ADGRE5: variants seen among roughly 807,000 people sequenced by gnomAD.
ADGRE5 encodes the protein CD97 molecule.
Under a neutral mutation model 100.3 loss-of-function variants are expected in ADGRE5, and 72 were observed. That is an observed-to-expected ratio of 0.72 (90% confidence interval 0.59 to 0.87). The LOEUF (loss-of-function observed/expected upper bound fraction) is 0.87, where lower values mean the gene tolerates loss of function less well. Ranked by LOEUF, ADGRE5 falls within the 40% of genes least tolerant of loss-of-function variation. The probability of loss-of-function intolerance (pLI) is 0.00; values close to 1 mark genes in which losing one functional copy is unlikely to be tolerated. For synonymous variants in ADGRE5, 439 were observed against 447.8 expected (o/e 0.98, Z 0.25); for missense variants, 959 against 1,094.7 (o/e 0.88, Z 1.75).
At position 14,386,971 on chromosome 19, in the gene ADGRE5, T is replaced by C. The variant is rs374957908; in HGVS notation, c.23-1479T>C. Among the ~76,000 whole-genome samples the C allele has an allele frequency of 1.7e-4, 26 of 148,710 alleles. No homozygotes were observed. In the East Asian group the frequency reaches 3.0e-3, roughly 17 times the overall value. On this transcript the variant is annotated intron_variant, in intron 1 of 19. Transcript: ENST00000242786. ...TGGAGGTTGCAGTGAGCCAGGATCG[T>C]GCCATCGCACTCCAGCCTGGGCGAC...
At position 14,401,682 on chromosome 19, in the gene ADGRE5, G is replaced by T. The variant is rs775345308; in HGVS notation, c.1105G>T (p.Asp369Tyr). ...ELTLMIQERG[D>Y]KNVTMGQSSA... ...GACCCTGATGATCCAGGAGCGGGGG[G>T]ACAAGAACGTCACTATGGGTCAGAG... The change falls in exon 11 of 20, where the codon GAC becomes TAC. Residue 369 changes from aspartate to tyrosine, a missense_variant. By Grantham distance (160) the Asp-to-Tyr change is radical (BLOSUM62 -3). Around this residue, in one of 6 missense-constraint regions of ADGRE5, gnomAD observed 246 missense variants for 242.2 expected, o/e 1.02. Transcript: ENST00000242786. This position sits in a 1 kb window ranked among gnomAD's most constrained non-coding sequence, Gnocchi z 4.1. 1 of 1,592,874 alleles carries T rather than the reference G, an allele frequency of 6.3e-7. No individual in the cohort carries two copies. Among genetic ancestry groups the T allele is most frequent in the South Asian group, 1.1e-5 (1 of 87,878 alleles).
At chr19:14,383,869 A>G (rs1975244294) in intron 1 of ADGRE5, among the ~76,000 whole-genome samples, 1 of 151,968 alleles carries the variant, frequency 6.6e-6, no homozygotes, top group African/African-American at 2.4e-5. Flanking sequence ...GAGGACCTCA[A>G]TCCCTCAATT....
chr19:14,390,415 C>G (rs757243375), intron 3 of ADGRE5, among the ~76,000 whole-genome samples: 16 of 151,628 alleles, frequency 1.1e-4, no homozygotes, highest in Non-Finnish European at 2.2e-4. Context: ...CCTCCACCTC[C>G]TAGGTTCAAG....
rs576558354 is a variant in ADGRE5, at chr19:14,401,021, A to G, written c.898-365A>G. ...CTTCTGTAGTCCCAGCTACTCAGAA[A>G]GCTGAGGTGGGAGGATCGCTTGAGT... is the stretch of plus-strand genomic sequence containing the variant. On this transcript the variant is annotated intron_variant, in intron 9 of 19. Coordinates refer to ENST00000242786, the MANE Select transcript of ADGRE5 (RefSeq NM_078481.4). The surrounding 1 kb of genome is among the most constrained non-coding windows in gnomAD (Gnocchi z 4.1). Among the ~76,000 whole-genome samples the G allele has an allele frequency of 6.6e-6, 1 of 152,068 alleles. No individual in the cohort carries two copies. The highest frequency in any genetic ancestry group is 6.5e-5 in the Admixed American group (1 of 15,268).
chr19:14,406,978 A>C lies in ADGRE5; in HGVS notation c.2207+18A>C. 1 of 1,613,954 alleles carries C rather than the reference A, an allele frequency of 6.2e-7. No homozygotes were observed. Among genetic ancestry groups the C allele is most frequent in the Non-Finnish European group, 8.5e-7 (1 of 1,179,826 alleles). On this transcript the variant is annotated intron_variant, in intron 17 of 19. Coordinates refer to ENST00000242786, the MANE Select transcript of ADGRE5 (RefSeq NM_078481.4). The surrounding 1 kb of genome is among the most constrained non-coding windows in gnomAD (Gnocchi z 6.0). ...AAGGCGAGGTGAGAGGAGAGGCTGG[A>C]AGGACTTGGAGGCGGGGCCGGGGTG...
In ADGRE5 at chr19:14,393,796, T is replaced by G. The variant is rs145384329; in HGVS notation, c.347-2546T>G. Among the ~76,000 whole-genome samples the G allele has an allele frequency of 1.7e-3, 258 of 152,240 alleles. 1 individual carries two copies. Among genetic ancestry groups the G allele is most frequent in the African/African-American group, 6.1e-3 (253 of 41,546 alleles). On this transcript the variant is annotated intron_variant, in intron 4 of 19. Transcript: ENST00000242786. ...AGGCTTCTGTCCGCCACACTGCTAG[T>G]CCCCAGGGCCCCCTTGCAAGTGGAC...
intron 4 of ADGRE5, chr19:14,391,377 G>A (rs1210285756): frequency 2.5e-6 from 1 of 393,530 alleles, no homozygotes; most frequent in African/African-American, 2.0e-5. Flanking sequence ...ACGTTATCAT[G>A]CTTGTAATTC....
At chr19:14,396,990 T>C (rs973659499) in intron 5 of ADGRE5, 87 bp from the exon 6 acceptor site, 22 of 1,426,544 alleles carry the variant, frequency 1.5e-5, no homozygotes, top group Non-Finnish European at 2.0e-5. Flanking sequence ...TCTGAGGCAA[T>C]GAAAAGATAG....
chr19:14,404,417 G>T lies in ADGRE5; in HGVS notation c.1484G>T (p.Cys495Phe), dbSNP rs1270457085. 1.2e-6 allele frequency: 2 copies of T among 1,611,788 alleles called. No homozygotes were observed. Among genetic ancestry groups the T allele is most frequent in the East Asian group, 4.5e-5 (2 of 44,838 alleles). The change falls in exon 13 of 20, where the codon TGT (cysteine) becomes TTT (phenylalanine). Residue 495 changes from cysteine (C) to phenylalanine (F), a missense_variant. Transcript: ENST00000242786. Reference protein sequence around the residue: ...VMPGPRQELLCAFWKSDSDRG... With the variant: ...VMPGPRQELLFAFWKSDSDRG... ...CCTGGGCCACGGCAGGAGCTGCTCT[G>T]TGCCTTCTGGAAGAGTGACAGCGAC... is the stretch of plus-strand genomic sequence containing the variant.
chr19:14,407,317 TG>T (rs1286400177), intron 18 of ADGRE5, 88 bp downstream of exon 18: 1 of 1,459,582 alleles, frequency 6.9e-7, no homozygotes, highest in East Asian at 2.3e-5. Flanking sequence ...GCCCAGAAGT[TG>T]GAGACCAGCC....
At chr19:14,398,929 T>C (rs1299424824) in intron 9 of ADGRE5, among the ~76,000 whole-genome samples, 1 of 151,146 alleles carries the variant, frequency 6.6e-6, no homozygotes, top group Non-Finnish European at 1.5e-5. Context: ...GCAGCCTCAA[T>C]CTCCCAGGCT....
rs762137790 is a variant in ADGRE5 at position 14,407,204 on chromosome 19, T to A, written c.2351T>A (p.Leu784Gln). The A allele has an allele frequency of 2.5e-6, 4 of 1,613,902 alleles. No individual in the cohort carries two copies. The highest frequency in any genetic ancestry group is 1.3e-5 in the African/African-American group (1 of 74,938). ...LNCLQGAFLY[L>Q]LHCLLNKKVR... ...TGCCTGCAGGGCGCCTTCCTCTACC[T>A]GCTGCACTGCCTGCTCAACAAGAAG... is the stretch of plus-strand genomic sequence containing the variant. Residue 784 changes from leucine (L) to glutamine (Q), a missense_variant, in exon 18 of 20, where the codon CTG becomes CAG. Leu to Gln is a moderately radical substitution (Grantham distance 113). Coordinates refer to ENST00000242786, the MANE Select transcript of ADGRE5 (RefSeq NM_078481.4).
chr19:14,404,209 G>A (rs1976126715), intron 12 of ADGRE5, among the ~76,000 whole-genome samples, 174 bp from the exon 13 acceptor site: 1 of 152,162 alleles, frequency 6.6e-6, no homozygotes, highest in South Asian at 2.1e-4. Context: ...AACCTCACAA[G>A]GGTAGGTACT....
rs1018353743 is a variant in ADGRE5 at position 14,406,253 on chromosome 19, C to G, written c.1822-78C>G. On this transcript the variant is annotated intron_variant, in intron 14 of 19. Transcript: ENST00000242786. The surrounding 1 kb of genome is among the most constrained non-coding windows in gnomAD (Gnocchi z 6.0). ...CTGTGGTCCCGCCCACTCTCGGGAC[C>G]TGGCAGGCGACTGGCTCTGGCGCCG... 9 of 1,181,638 alleles carry G rather than the reference C, an allele frequency of 7.6e-6. No homozygotes were observed. The highest frequency in any genetic ancestry group is 1.1e-5 in the Non-Finnish European group (9 of 850,334). The allele number at this position is 1,181,638 out of a possible 1,614,324, so 73.2% of individuals were successfully genotyped here.
At position 14,401,701 on chromosome 19, in the gene ADGRE5, G is replaced by A. The variant is rs1169325681; in HGVS notation, c.1124G>A (p.Gly375Asp). ...QERGDKNVTM[G>D]QSSARMKLNW... is the part of the protein sequence containing the mutation. ...CGGGGGGACAAGAACGTCACTATGG[G>A]TCAGAGCAGCGCACGCATGAAGCTG... Residue 375 changes from glycine to aspartate, a missense_variant, in exon 11 of 20, where the codon GGT becomes GAT. Coordinates refer to ENST00000242786, the MANE Select transcript of ADGRE5 (RefSeq NM_078481.4). This position sits in a 1 kb window ranked among gnomAD's most constrained non-coding sequence, Gnocchi z 4.1. The A allele has an allele frequency of 6.3e-7, 1 of 1,590,634 alleles. No homozygotes were observed. The highest frequency in any genetic ancestry group is 8.6e-7 in the Non-Finnish European group (1 of 1,168,668).
Position 14,408,010 on chromosome 19 carries a change from G to T in ADGRE5, c.2478+1G>T. On this transcript the variant is annotated splice_donor_variant, in intron 19 of 19. Coordinates refer to ENST00000242786, the MANE Select transcript of ADGRE5 (RefSeq NM_078481.4). LOFTEE classifies it high-confidence loss of function. ...TGGCACTGGCCACAATCAGACCCGG[G>T]TAAGGGGCTGCGCCTGGGGCGGGTG... 1 of 1,614,152 alleles carries T rather than the reference G, an allele frequency of 6.2e-7. No homozygotes were observed. The highest frequency in any genetic ancestry group is 8.5e-7 in the Non-Finnish European group (1 of 1,179,994).
intron 18 of ADGRE5, 105 bp from the exon 19 acceptor site, chr19:14,407,801 GAC>G (rs1976334353): frequency 1.1e-6 from 1 of 945,774 alleles, no homozygotes; most frequent in African/African-American, 1.7e-5. Context: ...TCAAAAAAAA[GAC>G]AAACACAAAA....
Position 14,401,700 on chromosome 19 carries a change from G to A in ADGRE5, c.1123G>A (p.Gly375Ser), listed in dbSNP as rs1423952625. ...QERGDKNVTMGQSSARMKLNW... is the reference protein window; with the variant it reads ...QERGDKNVTMSQSSARMKLNW... ...GCGGGGGGACAAGAACGTCACTATG[G>A]GTCAGAGCAGCGCACGCATGAAGCT... Residue 375 changes from glycine to serine, a missense_variant, in exon 11 of 20, where the codon GGT becomes AGT. By Grantham distance (56) the Gly-to-Ser change is moderately conservative. This residue lies in a region of ADGRE5 where 246 missense variants were observed against 242.2 expected (regional missense o/e 1.02). Transcript: ENST00000242786. The surrounding 1 kb of genome is among the most constrained non-coding windows in gnomAD (Gnocchi z 4.1). 4 of 1,590,246 alleles carry A rather than the reference G, an allele frequency of 2.5e-6. No individual in the cohort carries two copies. The highest frequency in any genetic ancestry group is 3.4e-6 in the Non-Finnish European group (4 of 1,168,480).
intron 4 of ADGRE5, among the ~76,000 whole-genome samples, chr19:14,392,526 C>T (rs1443537483): frequency 6.6e-6 from 1 of 152,088 alleles, no homozygotes; most frequent in Non-Finnish European, 1.5e-5. Flanking sequence ...AAATATAGAC[C>T]TTGGACAGGT....
Sources: gnomAD v4.1 joint callset for allele counts (sites outside exome capture counted in the v4.1 genomes callset) on GRCh38, gnomAD v4.1.1 for gene constraint, gnomAD v4.1.1 regional missense constraint, Gnocchi (gnomAD v3.1) non-coding constraint, MANE v1.5 for transcripts, NCBI Gene and HGNC (gene_info 2026-07-23, HGNC 2026-07-21) for gene names.